Variants in SLC24A3 observed in about 807,000 individuals in gnomAD.
SLC24A3 encodes solute carrier family 24 member 3.
A neutral mutation model predicts 75.8 loss-of-function variants in SLC24A3; 28 were observed. That is an observed-to-expected ratio of 0.37 (90% CI 0.27 to 0.51). The LOEUF is 0.51. Ranked by LOEUF, SLC24A3 falls within the 20% of genes least tolerant of loss-of-function variation. The pLI, the probability that SLC24A3 is intolerant of heterozygous loss-of-function variation, is 0.94. For synonymous variants in SLC24A3, 372 were observed against 334.1 expected, an observed-to-expected ratio of 1.11 and a Z score of -1.24; for missense variants, 663 against 847.8, an observed-to-expected ratio of 0.78 and a Z score of 2.71.
At chr20:19,569,096 G>T (rs954042435) in intron 3 of SLC24A3, among the ~76,000 whole-genome samples, 1 of 152,270 alleles carries the variant, frequency 6.6e-6, no homozygotes, top group South Asian at 2.1e-4. Flanking sequence ...GGGAACCCTT[G>T]TGGGAGGTCA....
intron 2 of SLC24A3, among the ~76,000 whole-genome samples, chr20:19,488,323 T>C (rs151027543): frequency 2.3e-4 from 35 of 152,322 alleles, no homozygotes; most frequent in Non-Finnish European, 4.3e-4. Flanking sequence ...GCACCTCCTC[T>C]TGCCTGACTT....
chr20:19,713,760 G>T (rs10154016), intron 15 of SLC24A3, among the ~76,000 whole-genome samples: 1 of 152,134 alleles, frequency 6.6e-6, no homozygotes, highest in Non-Finnish European at 1.5e-5. Flanking sequence ...CAGTTTTAAC[G>T]TGGATTAATT....
chr20:19,678,913 G>C (rs2032572766), intron 9 of SLC24A3, among the ~76,000 whole-genome samples: 1 of 151,630 alleles, frequency 6.6e-6, no homozygotes, highest in Admixed American at 6.6e-5. Flanking sequence ...CGGAGCGGCG[G>C]GGCAAAGGCG....
At chr20:19,487,435 A>G (rs1988145937) in intron 2 of SLC24A3, among the ~76,000 whole-genome samples, 1 of 152,192 alleles carries the variant, frequency 6.6e-6, no homozygotes, top group South Asian at 2.1e-4. Flanking sequence ...TTCCTGTACC[A>G]GATCAGTGCT....
chr20:19,261,023 C>T (rs1374129196), intron 1 of SLC24A3, among the ~76,000 whole-genome samples: 2 of 152,194 alleles, frequency 1.3e-5, no homozygotes, highest in African/African-American at 4.8e-5. Flanking sequence ...TATAGCCCCT[C>T]AGAAGCCCCA....
intron 2 of SLC24A3, among the ~76,000 whole-genome samples, chr20:19,515,079 C>A (rs2029958432): frequency 6.6e-6 from 1 of 152,300 alleles, no homozygotes; most frequent in East Asian, 1.9e-4. Flanking sequence ...CATAAGGTTA[C>A]ACATGGAAAC....
intron 3 of SLC24A3, among the ~76,000 whole-genome samples, chr20:19,525,881 G>C (rs659563): frequency 6.6e-6 from 1 of 151,984 alleles, no homozygotes; most frequent in Non-Finnish European, 1.5e-5. Context: ...GCGGCTGTGC[G>C]GTGAGGATTC....
chr20:19,629,409 T>C (rs532532676), intron 6 of SLC24A3, among the ~76,000 whole-genome samples: 4 of 152,224 alleles, frequency 2.6e-5, no homozygotes, highest in Non-Finnish European at 5.9e-5. Flanking sequence ...TTAAGAGACA[T>C]ATAGGATACG....
intron 2 of SLC24A3, among the ~76,000 whole-genome samples, chr20:19,348,503 CT>C (rs1284685893): frequency 1.3e-5 from 2 of 152,138 alleles, no homozygotes; most frequent in African/African-American, 4.8e-5. Context: ...GCCTCTCCCC[CT>C]AGCCACCCTG....
chr20:19,351,487 G>T (rs1024391209), intron 2 of SLC24A3, among the ~76,000 whole-genome samples: 1 of 152,104 alleles, frequency 6.6e-6, no homozygotes, highest in East Asian at 1.9e-4. Flanking sequence ...TTATGTCCTG[G>T]CCTGCGAGTC....
intron 4 of SLC24A3, 84 bp from the exon 5 acceptor site, chr20:19,584,887 G>T: frequency 7.8e-7 from 1 of 1,289,894 alleles, no homozygotes; most frequent in South Asian, 1.3e-5. Context: ...TGCTTCTCAG[G>T]GCTTGGACTC....
rs763448005 is a variant in SLC24A3 at position 19,580,068 on chromosome 20, C to T, written c.417C>T (p.Ile139=). The change falls in exon 4 of 17, where the codon ATC becomes ATT. Residue 139 remains isoleucine, a synonymous_variant. Coordinates refer to ENST00000328041, the MANE Select transcript of SLC24A3 (RefSeq NM_020689.4). The part of the protein sequence containing the change: ...DDFFVPSLEK[I]CERLHLSEDV... The stretch of plus-strand genomic sequence containing the variant: ...TCTTCGTCCCTTCCTTGGAAAAGAT[C>T]TGTGAGGTACGTGCCTCACATTCTT... 1 of 1,613,482 alleles carries T rather than the reference C, an allele frequency of 6.2e-7. No individual in the cohort carries two copies. Among genetic ancestry groups the T allele is most frequent in the Non-Finnish European group, 8.5e-7 (1 of 1,179,406 alleles).
At chr20:19,236,284 T>C (rs1285797638) in intron 1 of SLC24A3, among the ~76,000 whole-genome samples, 1 of 151,678 alleles carries the variant, frequency 6.6e-6, no homozygotes, top group Non-Finnish European at 1.5e-5. Context: ...AGTGTGGGAG[T>C]GTGCAAGGGG....
intron 13 of SLC24A3, 191 bp from the exon 14 acceptor site, chr20:19,696,606 G>A (rs894380514): frequency 2.3e-5 from 11 of 479,324 alleles, no homozygotes; most frequent in Non-Finnish European, 3.7e-5. Flanking sequence ...TTACAGCACC[G>A]TCCCCTGACC....
chr20:19,671,905 G>T (rs1030919517), intron 8 of SLC24A3, among the ~76,000 whole-genome samples: 15 of 152,220 alleles, frequency 9.9e-5, no homozygotes, highest in African/African-American at 3.1e-4. Context: ...TGAACTGAAG[G>T]AGTGGAGGAG....
intron 7 of SLC24A3, among the ~76,000 whole-genome samples, chr20:19,660,826 G>T (rs1233626895): frequency 6.6e-6 from 1 of 151,984 alleles, no homozygotes; most frequent in Non-Finnish European, 1.5e-5. Context: ...GGCAAAGTCG[G>T]AATAACTATG....
At chr20:19,655,823 C>G (rs1163898931) in intron 7 of SLC24A3, among the ~76,000 whole-genome samples, 2 of 152,146 alleles carry the variant, frequency 1.3e-5, no homozygotes, top group African/African-American at 4.8e-5. Context: ...TTGCACCACA[C>G]CACAGGCTTT....
chr20:19,658,373 A>G (rs1375012709), intron 7 of SLC24A3, among the ~76,000 whole-genome samples: 2 of 152,180 alleles, frequency 1.3e-5, no homozygotes, highest in East Asian at 3.9e-4. Flanking sequence ...AAACCACAGG[A>G]GCAGGAAGCG....
chr20:19,673,704 A>G (rs199792707), intron 9 of SLC24A3, 50 bp downstream of exon 9: 1 of 1,492,790 alleles, frequency 6.7e-7, no homozygotes, highest in East Asian at 2.3e-5. Context: ...TGCATTCCAC[A>G]TTATGTGATG....
Sources: allele counts gnomAD v4.1 joint callset (sites outside exome capture counted in the v4.1 genomes callset), GRCh38; gene constraint gnomAD v4.1.1; transcripts MANE v1.5; gene names NCBI Gene and HGNC (gene_info 2026-07-23, HGNC 2026-07-21).